Variants in EPHA5 observed in about 807,000 individuals in gnomAD.
EPHA5 encodes the protein ephrin type-A receptor 5.
In EPHA5, 60 loss-of-function variants were observed where a neutral mutation model predicts 105.0. The observed-to-expected ratio is 0.57, with a 90% CI of 0.46 to 0.71. EPHA5 has a LOEUF of 0.71. Among genes scored for constraint, EPHA5 ranks in the 30% least tolerant of loss-of-function variants. The probability of loss-of-function intolerance (pLI) is 0.00; values close to 1 mark genes in which losing one functional copy is unlikely to be tolerated. For synonymous variants in EPHA5, 513 were observed against 449.1 expected (o/e 1.14, Z -1.80); for missense variants, 1,218 against 1,274.7 (o/e 0.96, Z 0.68).
intron 3 of EPHA5, among the ~76,000 whole-genome samples, chr4:65,598,523 C>A (rs756473067): frequency 1.6e-4 from 24 of 152,158 alleles, no homozygotes; most frequent in Admixed American, 4.6e-4. Context: ...TCTCCCGCTA[C>A]TCCTGCCATC....
chr4:65,458,750 T>C (rs954682054), intron 5 of EPHA5, among the ~76,000 whole-genome samples: 12 of 152,116 alleles, frequency 7.9e-5, no homozygotes, highest in African/African-American at 2.2e-4. Context: ...AAAATTATTA[T>C]ATAGTACATG....
At position 65,653,166 on chromosome 4, in the gene EPHA5, G is replaced by A. The variant is rs79837414; in HGVS notation, c.182-9739C>T. On this transcript the variant is annotated intron_variant, in intron 1 of 16. Coordinates refer to ENST00000613740, the MANE Select transcript of EPHA5 (RefSeq NM_001281766.3). ...CAGACTTCAGGGGAGGATAAATGAG[G>A]ATTACAGGAGACAGAAAGTCACACA... Among the ~76,000 whole-genome samples, 46 of 151,996 alleles carry A rather than the reference G, an allele frequency of 3.0e-4. 1 individual carries two copies. In the East Asian group the frequency reaches 8.7e-3, roughly 29 times the overall value.
intron 3 of EPHA5, among the ~76,000 whole-genome samples, chr4:65,570,047 C>A (rs1739958983): frequency 6.6e-6 from 1 of 151,420 alleles, no homozygotes; most frequent in South Asian, 2.1e-4. Context: ...TGTGAGAAGG[C>A]CCATAATTAT....
chr4:65,340,913 T>C (rs957896307), intron 14 of EPHA5, among the ~76,000 whole-genome samples: 4 of 152,110 alleles, frequency 2.6e-5, no homozygotes, highest in African/African-American at 4.8e-5. Flanking sequence ...CAGGCAATTA[T>C]GGAGTATGGC....
intron 3 of EPHA5, among the ~76,000 whole-genome samples, chr4:65,502,427 C>A (rs955193915): frequency 2.0e-5 from 3 of 151,356 alleles, no homozygotes; most frequent in African/African-American, 4.8e-5. Context: ...TATATAGCCC[C>A]ATTAAAAAGC....
intron 6 of EPHA5, among the ~76,000 whole-genome samples, chr4:65,414,939 C>T (rs1723250750): frequency 6.6e-6 from 1 of 152,128 alleles, no homozygotes; most frequent in Admixed American, 6.5e-5. Flanking sequence ...GAAATTAGTA[C>T]TTCACTGGTG....
chr4:65,632,665 T>A (rs770616894), intron 2 of EPHA5, among the ~76,000 whole-genome samples: 2 of 152,030 alleles, frequency 1.3e-5, no homozygotes, highest in Non-Finnish European at 2.9e-5. Flanking sequence ...CATAGAGTGA[T>A]CTGCTAGAGG....
chr4:65,659,319 GAAAAAAAAAAAAAAAAAAAAAAAAA>G (rs5858980), intron 1 of EPHA5, among the ~76,000 whole-genome samples: 5 of 71,602 alleles, frequency 7.0e-5, no homozygotes, highest in Non-Finnish European at 1.1e-4. Context: ...TAGAGTAACA[GAAAAAAAAAAAAAAAAAAAAAAAAA>G]AAAAAAAAAA....
At chr4:65,432,332 C>A (rs1397476544) in intron 5 of EPHA5, among the ~76,000 whole-genome samples, 1 of 151,968 alleles carries the variant, frequency 6.6e-6, no homozygotes, top group Non-Finnish European at 1.5e-5. Context: ...TAGAAACTTG[C>A]CATAGATATA....
chr4:65,385,207 T>C (rs560200199), intron 8 of EPHA5, among the ~76,000 whole-genome samples: 1 of 151,952 alleles, frequency 6.6e-6, no homozygotes, highest in South Asian at 2.1e-4. Context: ...ATTAAAAATA[T>C]GAGTGGGTTC....
At chr4:65,328,290 G>T (rs1314384671) in intron 16 of EPHA5, among the ~76,000 whole-genome samples, 3 of 151,208 alleles carry the variant, frequency 2.0e-5, no homozygotes, top group African/African-American at 7.3e-5. Flanking sequence ...AACTGTCATT[G>T]TTGGGTTTAC....
At chr4:65,503,930 C>CACACAT (rs891176919) in intron 3 of EPHA5, among the ~76,000 whole-genome samples, 1 of 151,320 alleles carries the variant, frequency 6.6e-6, no homozygotes, top group Non-Finnish European at 1.5e-5. Flanking sequence ...CACACACACA[C>CACACAT]ACACACACAC....
chr4:65,625,305 A>T (rs1361371741), intron 2 of EPHA5, among the ~76,000 whole-genome samples: 5 of 152,134 alleles, frequency 3.3e-5, no homozygotes, highest in Non-Finnish European at 7.4e-5. Flanking sequence ...TTAAACTGCT[A>T]GTTTGTCATA....
intron 5 of EPHA5, among the ~76,000 whole-genome samples, chr4:65,483,898 G>A (rs1413113168): frequency 6.6e-6 from 1 of 152,012 alleles, no homozygotes; most frequent in Non-Finnish European, 1.5e-5. Flanking sequence ...TAAATCCCTG[G>A]GAGAATGTTT....
intron 3 of EPHA5, among the ~76,000 whole-genome samples, chr4:65,596,848 G>T (rs1169772286): frequency 1.3e-5 from 2 of 152,116 alleles, no homozygotes; most frequent in East Asian, 3.9e-4. Context: ...CCCCTTTGAT[G>T]TTTTTTGGTA....
At chr4:65,473,195 A>G (rs917466430) in intron 5 of EPHA5, among the ~76,000 whole-genome samples, 5 of 152,150 alleles carry the variant, frequency 3.3e-5, no homozygotes, top group Non-Finnish European at 5.9e-5. Flanking sequence ...GTCAAAAAAC[A>G]TTCAAGTCTC....
rs779449792 is a variant in EPHA5 at position 65,601,979 on chromosome 4, C to T, written c.572G>A (p.Arg191His). ...ESFTELDLGDRVMKLNTEVRD... is the reference protein window; with the variant it reads ...ESFTELDLGDHVMKLNTEVRD... ...GACCTCTGTATTCAGTTTCATAACA[C>T]GGTCACCAAGATCAAGTTCTGTAAA... The change falls in exon 3 of 17, where the codon CGT becomes CAT. Residue 191 changes from arginine to histidine, a missense_variant. This residue lies in a region of EPHA5 where 14 missense variants were observed against 33.7 expected (regional missense o/e 0.42). Coordinates refer to ENST00000613740, the MANE Select transcript of EPHA5 (RefSeq NM_001281766.3). 6.8e-6 allele frequency: 11 copies of T among 1,614,148 alleles called. No homozygotes were observed. Among genetic ancestry groups the T allele is most frequent in the Non-Finnish European group, 3.4e-6 (4 of 1,180,002 alleles).
At chr4:65,471,941 C>T (rs1729326888) in intron 5 of EPHA5, among the ~76,000 whole-genome samples, 1 of 152,132 alleles carries the variant, frequency 6.6e-6, no homozygotes. Flanking sequence ...TCAACAGTCC[C>T]CCCAAATCTT....
Position 65,414,319 on chromosome 4 carries a change from A to G in EPHA5, c.1652T>C (p.Phe551Ser), listed in dbSNP as rs2149018667. Residue 551 changes from phenylalanine to serine, a missense_variant, in exon 7 of 17, where the codon TTC (phenylalanine) becomes TCC (serine). Phe to Ser is a radical substitution (Grantham distance 155, BLOSUM62 -2). Coordinates refer to ENST00000613740, the MANE Select transcript of EPHA5 (RefSeq NM_001281766.3). Reference protein sequence around the residue: ...RARTAAGYGVFSRRFEFETTP... With the variant: ...RARTAAGYGVSSRRFEFETTP... Reference sequence around the variant, plus strand: ...GGTTTCAAACTCAAATCTTCGACTGAAGACACCATAGCCTGCTGCTGTACG... The same window carrying G: ...GGTTTCAAACTCAAATCTTCGACTGGAGACACCATAGCCTGCTGCTGTACG... 1 of 1,613,930 alleles carries G rather than the reference A, an allele frequency of 6.2e-7. No individual in the cohort carries two copies. Among genetic ancestry groups the G allele is most frequent in the Non-Finnish European group, 8.5e-7 (1 of 1,179,908 alleles).
Sources: gnomAD v4.1 joint callset for allele counts (sites outside exome capture counted in the v4.1 genomes callset) on GRCh38, gnomAD v4.1.1 for gene constraint, gnomAD v4.1.1 regional missense constraint, MANE v1.5 for transcripts, NCBI Gene and HGNC (gene_info 2026-07-23, HGNC 2026-07-21) for gene names.